Variants in FHIT observed in about 807,000 individuals in gnomAD.
FHIT encodes bis(5'-adenosyl)-triphosphatase.
Under a neutral mutation model 17.9 loss-of-function variants are expected in FHIT, and 19 were observed. That is an observed-to-expected ratio of 1.06 (90% CI 0.74 to 1.56). The LOEUF (loss-of-function observed/expected upper bound fraction) is 1.56, where lower values mean the gene tolerates loss of function less well. Among genes scored for constraint, FHIT ranks in the 40% most tolerant of loss-of-function variants. The pLI is 0.00. For missense variants in FHIT, 248 were observed against 189.2 expected (o/e 1.31, Z -1.82); for synonymous variants, 81 against 69.7 (o/e 1.16, Z -0.81).
chr3:60,505,434 T>C (rs925743489), intron 5 of FHIT, among the ~76,000 whole-genome samples: 3 of 152,304 alleles, frequency 2.0e-5, no homozygotes, highest in Admixed American at 6.5e-5. Flanking sequence ...AAAAGCCTCA[T>C]AGAAAAGATA....
chr3:59,958,366 A>C (rs1223332322), intron 7 of FHIT, among the ~76,000 whole-genome samples: 1 of 152,242 alleles, frequency 6.6e-6, no homozygotes, highest in Non-Finnish European at 1.5e-5. Context: ...CTGTATAAAA[A>C]AAATCACCAA....
At chr3:61,096,055 G>C (rs2106829685) in intron 2 of FHIT, among the ~76,000 whole-genome samples, 2 of 152,252 alleles carry the variant, frequency 1.3e-5, no homozygotes, top group Middle Eastern at 6.8e-3. Context: ...ATTAATCAGA[G>C]GTGCCCTTTT....
Position 59,795,090 on chromosome 3 carries a change from G to C in FHIT, c.349-42769C>G, listed in dbSNP as rs114193676. Among the ~76,000 whole-genome samples, 715 of 152,264 alleles carry C rather than the reference G, an allele frequency of 4.7e-3. 8 individuals are homozygous for C. Among genetic ancestry groups the C allele is most frequent in the African/African-American group, 0.016 (670 of 41,566 alleles). ...ACAGTAAGTTCTCAGGCAGTCATTA[G>C]CAGTATTAAAAATAATACTGGCCAG... On this transcript the variant is annotated intron_variant, in intron 8 of 9. Transcript: ENST00000492590.
At chr3:59,773,264 C>A (rs1257998881) in intron 8 of FHIT, among the ~76,000 whole-genome samples, 1 of 152,060 alleles carries the variant, frequency 6.6e-6, no homozygotes, top group South Asian at 2.1e-4. Flanking sequence ...CGGTGGGTGA[C>A]CCGGAAAATA....
intron 5 of FHIT, among the ~76,000 whole-genome samples, chr3:60,248,621 A>C (rs1705526077): frequency 6.6e-6 from 1 of 152,174 alleles, no homozygotes; most frequent in Admixed American, 6.5e-5. Context: ...GGAGTAAGAA[A>C]AATGATATAG....
At chr3:60,910,067 T>A (rs530282581) in intron 3 of FHIT, among the ~76,000 whole-genome samples, 64 of 152,138 alleles carry the variant, frequency 4.2e-4, no homozygotes, top group Non-Finnish European at 7.6e-4. Flanking sequence ...TAATGCACTG[T>A]CCCGCCCTTT....
At chr3:60,735,300 C>T (rs1287112464) in intron 4 of FHIT, among the ~76,000 whole-genome samples, 3 of 152,172 alleles carry the variant, frequency 2.0e-5, no homozygotes, top group African/African-American at 7.2e-5. Flanking sequence ...TGTGCTGGTA[C>T]CATCATCCTC....
intron 5 of FHIT, among the ~76,000 whole-genome samples, chr3:60,442,349 T>C (rs1247423383): frequency 2.0e-5 from 3 of 152,142 alleles, no homozygotes; most frequent in Non-Finnish European, 1.5e-5. Context: ...ACTCCCCCCA[T>C]GCCTATGTCC....
At chr3:60,581,213 A>G (rs1553659587) in intron 4 of FHIT, among the ~76,000 whole-genome samples, 1 of 152,160 alleles carries the variant, frequency 6.6e-6, no homozygotes, top group Non-Finnish European at 1.5e-5. Flanking sequence ...TAAATACGTA[A>G]TTCTCATCCT....
At chr3:60,570,966 A>G (rs964921289) in intron 4 of FHIT, among the ~76,000 whole-genome samples, 9 of 152,044 alleles carry the variant, frequency 5.9e-5, no homozygotes, top group Admixed American at 2.0e-4. Context: ...GGGACATTGT[A>G]AGAGCAAAGC....
At chr3:60,352,795 C>T (rs1395413638) in intron 5 of FHIT, among the ~76,000 whole-genome samples, 2 of 152,138 alleles carry the variant, frequency 1.3e-5, no homozygotes, top group African/African-American at 2.4e-5. Context: ...TTTACAGGCT[C>T]AATGCACCAT....
chr3:60,634,143 C>G (rs1016793584), intron 4 of FHIT, among the ~76,000 whole-genome samples: 3 of 152,184 alleles, frequency 2.0e-5, no homozygotes, highest in African/African-American at 7.2e-5. Context: ...CTTTCCTCAT[C>G]TGTAAAATGG....
intron 2 of FHIT, among the ~76,000 whole-genome samples, chr3:61,134,468 A>G (rs1217155666): frequency 6.6e-6 from 1 of 152,184 alleles, no homozygotes; most frequent in Non-Finnish European, 1.5e-5. Context: ...AGGATTTAAG[A>G]GCAGATAGGA....
intron 5 of FHIT, among the ~76,000 whole-genome samples, chr3:60,029,181 G>T (rs114347946): frequency 0.019 from 2,862 of 152,230 alleles, 45 homozygotes; most frequent in Middle Eastern, 0.051. Flanking sequence ...CTTATAGAGG[G>T]TTTTTAATGA....
Position 60,860,491 on chromosome 3 carries a change from CAT to C in FHIT, c.-110-38482_-110-38481del, listed in dbSNP as rs544363848. On this transcript the variant is annotated intron_variant, in intron 3 of 9. Transcript: ENST00000492590. Reference sequence around the variant, plus strand: ...ATATGTATATATGATACATATGTATCATATATATCAGGTATATATGATACATA... The same window carrying C: ...ATATGTATATATGATACATATGTATCATATATCAGGTATATATGATACATA... 6.7e-4 allele frequency among the ~76,000 whole-genome samples: 82 copies of C among 122,340 alleles called. 1 individual carries two copies. Among genetic ancestry groups the C allele is most frequent in the Admixed American group, 1.1e-3 (13 of 11,736 alleles). 80.3% of individuals were successfully genotyped at this position (122,340 alleles called of 152,430 possible).
chr3:60,239,480 G>T (rs753185543), intron 5 of FHIT, among the ~76,000 whole-genome samples: 1 of 152,124 alleles, frequency 6.6e-6, no homozygotes, highest in Non-Finnish European at 1.5e-5. Flanking sequence ...CAGGAGTGTG[G>T]CTTATGCCCA....
At chr3:60,913,831 A>G (rs1478056676) in intron 3 of FHIT, among the ~76,000 whole-genome samples, 1 of 152,062 alleles carries the variant, frequency 6.6e-6, no homozygotes, top group African/African-American at 2.4e-5. Context: ...GTTCTTCAGG[A>G]CCTCTTTCCA....
In FHIT at chr3:60,992,931, A is replaced by T. The variant is rs570707920; in HGVS notation, c.-111+49116T>A. Among the ~76,000 whole-genome samples the T allele has an allele frequency of 4.9e-4, 75 of 152,338 alleles. 1 individual carries two copies. The highest frequency in any genetic ancestry group is 1.7e-3 in the African/African-American group (72 of 41,580). On this transcript the variant is annotated intron_variant, in intron 3 of 9. Coordinates refer to ENST00000492590, the MANE Select transcript of FHIT (RefSeq NM_002012.4). ...TTCAGAGGGCTTCCAGCATAAGAACAGGATCCGAATGGATTCATTTTCCTG... is the reference window on the plus strand; with the variant it reads ...TTCAGAGGGCTTCCAGCATAAGAACTGGATCCGAATGGATTCATTTTCCTG...
At chr3:60,843,931 G>C (rs1418327358) in intron 3 of FHIT, among the ~76,000 whole-genome samples, 3 of 152,096 alleles carry the variant, frequency 2.0e-5, no homozygotes, top group Non-Finnish European at 4.4e-5. Flanking sequence ...GACACTCTAG[G>C]GGTAAGGCAA....
Sources: allele counts gnomAD v4.1 joint callset (sites outside exome capture counted in the v4.1 genomes callset), GRCh38; gene constraint gnomAD v4.1.1; transcripts MANE v1.5; gene names NCBI Gene and HGNC (gene_info 2026-07-23, HGNC 2026-07-21).